Variants in PPFIA2 observed in about 807,000 individuals in gnomAD.
PPFIA2 encodes the protein PPFI scaffold protein A2, also known as liprin-alpha-2.
PPFIA2 carries 46 observed loss-of-function variants against 175.5 expected under a neutral mutation model. The observed-to-expected ratio is 0.26, with a 90% confidence interval of 0.21 to 0.34. PPFIA2 has a LOEUF of 0.34. Among genes scored for constraint, PPFIA2 ranks in the 10% least tolerant of loss-of-function variants. PPFIA2 has a pLI of 1.00. For synonymous variants in PPFIA2, 568 were observed against 511.4 expected (o/e 1.11, Z -1.49); for missense variants, 1,179 against 1,506.1 (o/e 0.78, Z 3.60).
At chr12:81,563,368 C>A (rs2070610897) in intron 4 of PPFIA2, among the ~76,000 whole-genome samples, 1 of 152,174 alleles carries the variant, frequency 6.6e-6, no homozygotes, top group Admixed American at 6.5e-5. Flanking sequence ...TCTTAGATTT[C>A]TCTTTTCCAC....
chr12:81,670,295 A>T (rs944501655), intron 4 of PPFIA2, among the ~76,000 whole-genome samples: 1 of 151,938 alleles, frequency 6.6e-6, no homozygotes, highest in African/African-American at 2.4e-5. Flanking sequence ...TGTGAAATAG[A>T]TTGGGCCATC....
intron 4 of PPFIA2, among the ~76,000 whole-genome samples, chr12:81,627,599 G>T (rs113827517): frequency 1.3e-5 from 2 of 151,978 alleles, no homozygotes; most frequent in African/African-American, 2.4e-5. Flanking sequence ...AATCTAAAGG[G>T]CAATGTAGAC....
chr12:81,611,160 T>C (rs2060865857), intron 4 of PPFIA2, among the ~76,000 whole-genome samples: 1 of 152,094 alleles, frequency 6.6e-6, no homozygotes, highest in South Asian at 2.1e-4. Flanking sequence ...TGGGGAGCCC[T>C]CTACAGTCAC....
At chr12:81,389,953 C>T (rs1480891403) in intron 8 of PPFIA2, among the ~76,000 whole-genome samples, 2 of 152,064 alleles carry the variant, frequency 1.3e-5, no homozygotes, top group African/African-American at 4.8e-5. Context: ...CACTGACACA[C>T]CCCCAGCCCC....
chr12:81,650,507 C>G (rs11611473), intron 4 of PPFIA2, among the ~76,000 whole-genome samples: 1 of 151,768 alleles, frequency 6.6e-6, no homozygotes, highest in Non-Finnish European at 1.5e-5. Flanking sequence ...AGCAAATCTA[C>G]CATGTATAGA....
intron 19 of PPFIA2, 58 bp from the exon 20 acceptor site, chr12:81,341,266 C>T: frequency 2.6e-6 from 4 of 1,527,818 alleles, no homozygotes; most frequent in Non-Finnish European, 3.6e-6. Context: ...TTGAAATTGA[C>T]ACAAATGGAG....
intron 4 of PPFIA2, among the ~76,000 whole-genome samples, chr12:81,567,434 G>T (rs1033524110): frequency 8.5e-5 from 13 of 152,062 alleles, no homozygotes; most frequent in African/African-American, 3.1e-4. Context: ...GACTTATGCT[G>T]GGCCTTTAGA....
intron 4 of PPFIA2, among the ~76,000 whole-genome samples, chr12:81,582,777 T>C (rs2074608397): frequency 6.6e-6 from 1 of 151,864 alleles, no homozygotes; most frequent in Non-Finnish European, 1.5e-5. Flanking sequence ...ATCTATTCAC[T>C]TCACATATAT....
At chr12:81,687,986 A>C (rs2074677915) in intron 3 of PPFIA2, among the ~76,000 whole-genome samples, 1 of 152,012 alleles carries the variant, frequency 6.6e-6, no homozygotes, top group Non-Finnish European at 1.5e-5. Flanking sequence ...GACTAATCTT[A>C]GGTATAAATC....
At chr12:81,666,943 G>C (rs2070437588) in intron 4 of PPFIA2, among the ~76,000 whole-genome samples, 1 of 151,838 alleles carries the variant, frequency 6.6e-6, no homozygotes, top group East Asian at 1.9e-4. Context: ...TGAAATCAAA[G>C]GTTTATATAA....
At chr12:81,491,136 T>C (rs1460088538) in intron 4 of PPFIA2, among the ~76,000 whole-genome samples, 2 of 151,904 alleles carry the variant, frequency 1.3e-5, no homozygotes, top group Non-Finnish European at 2.9e-5. Flanking sequence ...TGCAACTCAT[T>C]TTTACCAATT....
intron 4 of PPFIA2, among the ~76,000 whole-genome samples, chr12:81,669,341 T>C (rs186179723): frequency 3.0e-4 from 46 of 152,146 alleles, no homozygotes; most frequent in Non-Finnish European, 5.6e-4. Flanking sequence ...AGAGTTATCA[T>C]TGTGAGCACA....
At chr12:81,667,643 G>A (rs1426015925) in intron 4 of PPFIA2, among the ~76,000 whole-genome samples, 2 of 152,038 alleles carry the variant, frequency 1.3e-5, no homozygotes, top group African/African-American at 4.8e-5. Context: ...CATCAATCTT[G>A]TTATTAAACA....
chr12:81,680,464 C>G (rs974081678), intron 3 of PPFIA2, among the ~76,000 whole-genome samples: 1 of 151,750 alleles, frequency 6.6e-6, no homozygotes, highest in African/African-American at 2.4e-5. Flanking sequence ...ATTACCAGTC[C>G]TAGTGAACAG....
intron 4 of PPFIA2, among the ~76,000 whole-genome samples, chr12:81,536,789 A>G (rs1283640886): frequency 6.8e-6 from 1 of 146,860 alleles, no homozygotes; most frequent in African/African-American, 2.5e-5. Flanking sequence ...AAAATATAAA[A>G]TAACTTCTCC....
chr12:81,556,240 A>C (rs1473629550), intron 4 of PPFIA2, among the ~76,000 whole-genome samples: 1 of 151,994 alleles, frequency 6.6e-6, no homozygotes, highest in Non-Finnish European at 1.5e-5. Context: ...GTAGCCTAAT[A>C]ATATTCCTTG....
At chr12:81,398,382 T>C (rs1194896626) in intron 8 of PPFIA2, among the ~76,000 whole-genome samples, 1 of 152,120 alleles carries the variant, frequency 6.6e-6, no homozygotes, top group Non-Finnish European at 1.5e-5. Flanking sequence ...CTTAGAAACA[T>C]GGACAGGTTT....
Position 81,353,196 on chromosome 12 carries a change from A to G in PPFIA2, c.1917T>C (p.Ser639=). 1 of 1,613,850 alleles carries G rather than the reference A, an allele frequency of 6.2e-7. No individual in the cohort carries two copies. Among genetic ancestry groups the G allele is most frequent in the Non-Finnish European group, 8.5e-7 (1 of 1,179,816 alleles). ...ETIFSSMDLL[S]PSGHSDAQTL... is the part of the protein sequence containing the mutation. ...TCTGGGCATCGGAATGACCACTTGG[A>G]GAGAGAAGATCCATTGAGCTAAAAA... Residue 639 remains serine, a synonymous_variant, in exon 17 of 33, where the codon TCT becomes TCC. Coordinates refer to ENST00000549396, the MANE Select transcript of PPFIA2 (RefSeq NM_003625.5).
chr12:81,404,580 T>A (rs2042599965), intron 8 of PPFIA2, among the ~76,000 whole-genome samples: 1 of 152,182 alleles, frequency 6.6e-6, no homozygotes, highest in South Asian at 2.1e-4. Flanking sequence ...GCTAATGAAA[T>A]ACGTCAAATT....
Sources: allele counts gnomAD v4.1 joint callset (sites outside exome capture counted in the v4.1 genomes callset), GRCh38; gene constraint gnomAD v4.1.1; transcripts MANE v1.5; gene names NCBI Gene and HGNC (gene_info 2026-07-23, HGNC 2026-07-21).